The following MPDZ variants were observed in gnomAD, a reference collection of about 807,000 sequenced individuals.
MPDZ encodes the protein multiple PDZ domain protein.
Under a neutral mutation model 239.1 loss-of-function variants are expected in MPDZ, and 234 were observed. The observed-to-expected ratio is 0.98, with a 90% CI of 0.88 to 1.09. The LOEUF (loss-of-function observed/expected upper bound fraction) is 1.09, where lower values mean the gene tolerates loss of function less well. Among genes scored for constraint, MPDZ ranks in the 50% least tolerant of loss-of-function variants. The pLI is 0.00. For synonymous variants in MPDZ, 1,048 were observed against 881.3 expected, an observed-to-expected ratio of 1.19 and a Z score of -3.35; for missense variants, 3,175 against 2,510.0, an observed-to-expected ratio of 1.26 and a Z score of -5.66.
intron 12 of MPDZ, among the ~76,000 whole-genome samples, chr9:13,199,100 T>A (rs541208107): frequency 6.6e-6 from 1 of 152,144 alleles, no homozygotes; most frequent in African/African-American, 2.4e-5. Context: ...TATCTTTTGG[T>A]AGTATTGATA....
chr9:13,279,036 G>A (rs150666957), intron 1 of MPDZ: 1 of 152,410 alleles, frequency 6.6e-6, no homozygotes, highest in Non-Finnish European at 1.5e-5. Flanking sequence ...AAACCTCTTA[G>A]TCAGCGAGAG....
At chr9:13,128,716 G>A (rs1026311380) in intron 32 of MPDZ, among the ~76,000 whole-genome samples, 4 of 152,276 alleles carry the variant, frequency 2.6e-5, no homozygotes, top group African/African-American at 9.6e-5. Context: ...GTAGACACAT[G>A]ATCTGAATTG....
intron 1 of MPDZ, among the ~76,000 whole-genome samples, chr9:13,254,913 G>A (rs1969056060): frequency 6.6e-6 from 1 of 152,164 alleles, no homozygotes; most frequent in African/African-American, 2.4e-5. Context: ...TGTGGTCACT[G>A]TAACAATTTC....
At chr9:13,211,922 T>G (rs1409374645) in intron 10 of MPDZ, among the ~76,000 whole-genome samples, 1 of 152,092 alleles carries the variant, frequency 6.6e-6, no homozygotes, top group Non-Finnish European at 1.5e-5. Flanking sequence ...TTTATATTCT[T>G]TAAACCTTAA....
intron 32 of MPDZ, among the ~76,000 whole-genome samples, chr9:13,127,190 C>A (rs1366840526): frequency 6.6e-6 from 1 of 152,206 alleles, no homozygotes. Context: ...GGTCTAGCCC[C>A]TTCATTCTTT....
intron 31 of MPDZ, chr9:13,134,399 T>A (rs1298630741): frequency 6.6e-6 from 1 of 152,230 alleles, no homozygotes; most frequent in Non-Finnish European, 1.5e-5. Flanking sequence ...AAAGAAAATA[T>A]ATTACCTTAT....
chr9:13,246,269 C>A (rs990665622), intron 3 of MPDZ, among the ~76,000 whole-genome samples: 2 of 152,008 alleles, frequency 1.3e-5, no homozygotes, highest in African/African-American at 4.8e-5. Flanking sequence ...TGGTGAAACC[C>A]CATCTCTACT....
chr9:13,190,332 G>T, intron 15 of MPDZ, 33 bp from the exon 16 acceptor site: 1 of 1,470,486 alleles, frequency 6.8e-7, no homozygotes, highest in African/African-American at 1.4e-5. Flanking sequence ...TATTTCAGAG[G>T]CATTGCATTA....
chr9:13,270,219 C>T (rs528799629), intron 1 of MPDZ, among the ~76,000 whole-genome samples: 29 of 152,300 alleles, frequency 1.9e-4, no homozygotes, highest in Admixed American at 5.2e-4. Flanking sequence ...TCGTAATAAT[C>T]CAGAAAGGAC....
intron 39 of MPDZ, 36 bp from the exon 40 acceptor site, chr9:13,115,370 T>G (rs911273467): frequency 2.6e-6 from 4 of 1,514,524 alleles, no homozygotes; most frequent in Non-Finnish European, 3.7e-6. Flanking sequence ...TATGGAAATG[T>G]TTAAATAAAA....
At chr9:13,252,943 C>G (rs896339317) in intron 1 of MPDZ, among the ~76,000 whole-genome samples, 1 of 152,084 alleles carries the variant, frequency 6.6e-6, no homozygotes, top group African/African-American at 2.4e-5. Flanking sequence ...GAATCTGAAT[C>G]TCTATTTATA....
At chr9:13,258,189 T>C (rs1275933055) in intron 1 of MPDZ, among the ~76,000 whole-genome samples, 3 of 152,244 alleles carry the variant, frequency 2.0e-5, no homozygotes, top group Non-Finnish European at 2.9e-5. Context: ...TGGTAACATG[T>C]AGGCACAGCT....
intron 23 of MPDZ, 96 bp downstream of exon 23, chr9:13,162,595 G>A: frequency 3.4e-6 from 2 of 586,804 alleles, no homozygotes; most frequent in Non-Finnish European, 5.6e-6. Context: ...AAAGGATTCA[G>A]ACCTTTTCTT....
At chr9:13,249,128 A>G (rs7872824) in intron 2 of MPDZ, among the ~76,000 whole-genome samples, 53,372 of 151,178 alleles carry the variant, frequency 0.35, 10,142 homozygotes, top group East Asian at 0.5. Context: ...ACACACACAC[A>G]CACACACACA....
rs1299937685 is a variant in MPDZ at position 13,150,658 on chromosome 9, G to A, written c.3483C>T (p.Ser1161=). The change falls in exon 25 of 47, where the codon TCC becomes TCT. Residue 1161 remains serine (S), a synonymous_variant. Coordinates refer to ENST00000319217, the MANE Select transcript of MPDZ (RefSeq NM_001378778.1). ...GTCCACCAACAATGCTGATGCCTAA[G>A]GATTTGCTTGGTTCTCTCCAGAGTT... ...RVELWREPSK[S]LGISIVGGRG... 2 of 1,444,438 alleles carry A rather than the reference G, an allele frequency of 1.4e-6. No homozygotes were observed. Among genetic ancestry groups the A allele is most frequent in the African/African-American group, 2.9e-5 (2 of 69,112 alleles). The allele number at this position is 1,444,438 out of a possible 1,614,324, so 89.5% of individuals were successfully genotyped here. A position where few individuals can be genotyped will look rare whatever the true frequency, so the allele number is the denominator to read the frequency against.
intron 25 of MPDZ, among the ~76,000 whole-genome samples, chr9:13,149,860 T>G (rs1170588438): frequency 6.6e-6 from 1 of 151,916 alleles, no homozygotes; most frequent in Non-Finnish European, 1.5e-5. Flanking sequence ...AGAGCCTTCA[T>G]TGATGAATGA....
At chr9:13,168,075 C>T (rs867828428) in intron 22 of MPDZ, among the ~76,000 whole-genome samples, 1 of 152,096 alleles carries the variant, frequency 6.6e-6, no homozygotes, top group Non-Finnish European at 1.5e-5. Flanking sequence ...GGCCCTCTTG[C>T]TCTGTGAGAA....
intron 1 of MPDZ, among the ~76,000 whole-genome samples, chr9:13,269,278 A>C (rs2139178231): frequency 6.6e-6 from 1 of 152,344 alleles, no homozygotes; most frequent in Non-Finnish European, 1.5e-5. Flanking sequence ...AGGAAAGAGA[A>C]ATATGGTTAT....
At chr9:13,231,991 T>C (rs1272855629) in intron 3 of MPDZ, among the ~76,000 whole-genome samples, 1 of 151,898 alleles carries the variant, frequency 6.6e-6, no homozygotes, top group Admixed American at 6.6e-5. Flanking sequence ...AAAAACAGGA[T>C]CAGTTCAAAA....
Sources: allele counts gnomAD v4.1 joint callset (sites outside exome capture counted in the v4.1 genomes callset), GRCh38; gene constraint gnomAD v4.1.1; transcripts MANE v1.5; gene names NCBI Gene and HGNC (gene_info 2026-07-23, HGNC 2026-07-21).